Variants in SLCO1A2 observed in about 807,000 individuals in gnomAD.
SLCO1A2 encodes OATP-1.
Under a neutral mutation model 69.0 loss-of-function variants are expected in SLCO1A2, and 67 were observed. That is an observed-to-expected ratio of 0.97 (90% CI 0.80 to 1.19). The LOEUF is 1.19. Among genes scored for constraint, SLCO1A2 ranks in the 50% most tolerant of loss-of-function variants. The probability of loss-of-function intolerance (pLI) is 0.00; values close to 1 mark genes in which losing one functional copy is unlikely to be tolerated. For synonymous variants in SLCO1A2, 260 were observed against 265.9 expected, an observed-to-expected ratio of 0.98 and a Z score of 0.22; for missense variants, 787 against 793.7, an observed-to-expected ratio of 0.99 and a Z score of 0.10.
chr12:21,269,942 A>G (rs1942491143), intron 14 of SLCO1A2, among the ~76,000 whole-genome samples, 175 bp from the exon 15 acceptor site: 1 of 151,940 alleles, frequency 6.6e-6, no homozygotes, highest in East Asian at 1.9e-4. Context: ...TTGTTAAAAT[A>G]TTTTATGTTT....
chr12:21,295,976 A>G (rs765582575), intron 9 of SLCO1A2, among the ~76,000 whole-genome samples, 184 bp from the exon 10 acceptor site: 7 of 152,224 alleles, frequency 4.6e-5, no homozygotes, highest in African/African-American at 9.6e-5. Flanking sequence ...AAATGCCCCC[A>G]TAATGGGGAA....
intron 2 of SLCO1A2, among the ~76,000 whole-genome samples, chr12:21,362,933 C>A (rs557508113): frequency 2.0e-4 from 31 of 152,264 alleles, no homozygotes; most frequent in African/African-American, 6.7e-4. Flanking sequence ...TAGACTCCCA[C>A]ACAATAATAA....
intron 2 of SLCO1A2, among the ~76,000 whole-genome samples, chr12:21,327,407 T>A (rs188155658): frequency 6.6e-6 from 1 of 152,234 alleles, no homozygotes; most frequent in Admixed American, 6.5e-5. Flanking sequence ...GCCACCATCC[T>A]CCAGATCCCA....
rs1320833617 is a variant in SLCO1A2, at chr12:21,268,010, A to G, written c.*1538T>C. The G allele has an allele frequency of 6.6e-6, 1 of 152,094 alleles. No individual in the cohort carries two copies. Among genetic ancestry groups the G allele is most frequent in the Non-Finnish European group, 1.5e-5 (1 of 68,016 alleles). 9.4% of individuals were successfully genotyped at this position (152,094 alleles called of 1,614,324 possible). ...TTATATGCCCAGAGTTGAAGTCTCA[A>G]ACTTCATGAAACTGAAACTTAACTT... On this transcript the variant is annotated 3_prime_UTR_variant, in exon 15 of 15. Transcript: ENST00000683939.
At chr12:21,349,690 G>A (rs1192469789) in intron 2 of SLCO1A2, among the ~76,000 whole-genome samples, 7 of 151,992 alleles carry the variant, frequency 4.6e-5, no homozygotes, top group African/African-American at 4.8e-5. Context: ...TATACTCCAC[G>A]CACTAACCAA....
chr12:21,407,064 G>T (rs1475609101), intron 1 of SLCO1A2, among the ~76,000 whole-genome samples: 1 of 152,000 alleles, frequency 6.6e-6, no homozygotes, highest in Admixed American at 6.6e-5. Context: ...ATCATCCAAG[G>T]CTTTTACGAA....
chr12:21,309,189 A>C (rs921267207), intron 4 of SLCO1A2, among the ~76,000 whole-genome samples: 3 of 152,198 alleles, frequency 2.0e-5, no homozygotes, highest in Non-Finnish European at 4.4e-5. Context: ...AGTAGGGATA[A>C]AAGATGAGAA....
intron 2 of SLCO1A2, among the ~76,000 whole-genome samples, chr12:21,348,411 C>T (rs934348740): frequency 6.6e-6 from 1 of 152,140 alleles, no homozygotes; most frequent in Admixed American, 6.5e-5. Context: ...ACTTAACAGC[C>T]TCTGGTAACC....
At chr12:21,399,810 A>T (rs1244369062), upstream of SLCO1A2, among the ~76,000 whole-genome samples, 1 of 139,652 alleles carries the variant, frequency 7.2e-6, no homozygotes, top group Non-Finnish European at 1.6e-5. Context: ...TGCTGGGAAA[A>T]CTGGCTAGCC....
At chr12:21,395,478 G>GA (rs1565530249), upstream of SLCO1A2, 1 of 154,394 alleles carries the variant, frequency 6.5e-6, no homozygotes, top group Non-Finnish European at 1.4e-5. Flanking sequence ...GCTTGATTAG[G>GA]TAAACAAAGC....
chr12:21,349,551 A>G (rs542478818), intron 2 of SLCO1A2, among the ~76,000 whole-genome samples: 8 of 152,268 alleles, frequency 5.3e-5, no homozygotes, highest in African/African-American at 1.9e-4. Flanking sequence ...TCAAACTTCA[A>G]TCAGAATTAT....
chr12:21,335,507 T>C (rs188531234), upstream of SLCO1A2, among the ~76,000 whole-genome samples: 165 of 151,960 alleles, frequency 1.1e-3, 1 homozygote, highest in South Asian at 0.014. Flanking sequence ...ATCAAAGATT[T>C]TGTTTGTTTT....
At chr12:21,411,542 C>G (rs892190483) in intron 1 of SLCO1A2, among the ~76,000 whole-genome samples, 3 of 152,178 alleles carry the variant, frequency 2.0e-5, no homozygotes, top group Admixed American at 6.6e-5. Flanking sequence ...TAATCCCAAT[C>G]CACCCCTCAC....
chr12:21,299,582 T>G (rs1343162124), intron 8 of SLCO1A2, among the ~76,000 whole-genome samples: 1 of 150,920 alleles, frequency 6.6e-6, no homozygotes, highest in African/African-American at 2.4e-5. Flanking sequence ...TCTTTCTGAT[T>G]TAACTTCCAG....
chr12:21,400,357 C>G (rs1412688996), upstream of SLCO1A2, among the ~76,000 whole-genome samples: 2 of 151,868 alleles, frequency 1.3e-5, no homozygotes, highest in East Asian at 1.9e-4. Context: ...GAATGGCAAT[C>G]ATTAAAAAGT....
chr12:21,414,932 A>G (rs991763600), intron 1 of SLCO1A2, among the ~76,000 whole-genome samples: 2 of 152,112 alleles, frequency 1.3e-5, no homozygotes, highest in Non-Finnish European at 2.9e-5. Flanking sequence ...TTTGTACCTT[A>G]AAGTCTATTT....
intron 1 of SLCO1A2, among the ~76,000 whole-genome samples, chr12:21,392,324 G>C (rs1042159055): frequency 6.6e-6 from 1 of 152,082 alleles, no homozygotes; most frequent in African/African-American, 2.4e-5. Context: ...CGCTGGCTGG[G>C]GTGAAGCTCC....
chr12:21,304,224 A>G lies in SLCO1A2; in HGVS notation c.589+203T>C, dbSNP rs79446431. 1.3e-3 allele frequency among the ~76,000 whole-genome samples: 201 copies of G among 152,328 alleles called. 1 individual carries two copies. The highest frequency in any genetic ancestry group is 4.6e-3 in the African/African-American group (190 of 41,588). ...CTAGACTTGTGGTATTTCCAATAGT[A>G]GAAAGTAGATTTATTAACCAAGTAG... On this transcript the variant is annotated intron_variant, in intron 6 of 14. Coordinates refer to ENST00000683939, the MANE Select transcript of SLCO1A2 (RefSeq NM_001386879.1).
intron 2 of SLCO1A2, chr12:21,373,607 T>C (rs1422606358): frequency 1.4e-6 from 1 of 701,714 alleles, no homozygotes; most frequent in Non-Finnish European, 2.6e-6. Context: ...ATAACACCAG[T>C]GGCAAATAAA....
Sources: allele counts gnomAD v4.1 joint callset (sites outside exome capture counted in the v4.1 genomes callset), GRCh38; gene constraint gnomAD v4.1.1; transcripts MANE v1.5; gene names NCBI Gene and HGNC (gene_info 2026-07-23, HGNC 2026-07-21).